Variants in ITGA9 observed in about 807,000 individuals in gnomAD.
ITGA9 encodes integrin subunit alpha 9.
ITGA9 carries 56 observed loss-of-function variants against 127.8 expected under a neutral mutation model. That is an observed-to-expected ratio of 0.44 (90% CI 0.35 to 0.55). The LOEUF (loss-of-function observed/expected upper bound fraction) is 0.55. Ranked by LOEUF, ITGA9 falls within the 20% of genes least tolerant of loss-of-function variation. The pLI, the probability that ITGA9 is intolerant of heterozygous loss-of-function variation, is 0.00. For missense variants in ITGA9, 1,196 were observed against 1,347.1 expected, an observed-to-expected ratio of 0.89 and a Z score of 1.76; for synonymous variants, 508 against 514.5, an observed-to-expected ratio of 0.99 and a Z score of 0.17.
At chr3:37,723,850 T>G (rs866689011) in intron 18 of ITGA9, among the ~76,000 whole-genome samples, 4 of 152,198 alleles carry the variant, frequency 2.6e-5, no homozygotes, top group African/African-American at 4.8e-5. Context: ...AAATGTAAAA[T>G]TCTTCCTTGA....
intron 15 of ITGA9, among the ~76,000 whole-genome samples, chr3:37,557,895 G>A (rs950322695): frequency 6.6e-6 from 1 of 152,216 alleles, no homozygotes; most frequent in Non-Finnish European, 1.5e-5. Context: ...CTGGTAAGCA[G>A]CCAAGTCTTG....
chr3:37,738,259 G>T lies in ITGA9; in HGVS notation c.2234+1276G>T, dbSNP rs193000219. On this transcript the variant is annotated intron_variant, in intron 20 of 27. Transcript: ENST00000264741. ...ATTCCCATTGCACAAAATCCAGAAGGGCTTCAGTGGGGAGGTAGCATTTAA... is the reference window on the plus strand; with the variant it reads ...ATTCCCATTGCACAAAATCCAGAAGTGCTTCAGTGGGGAGGTAGCATTTAA... 5.9e-4 allele frequency among the ~76,000 whole-genome samples: 90 copies of T among 152,284 alleles called. No individual in the cohort carries two copies. The East Asian group carries it at 0.016, about 27-fold the overall frequency.
chr3:37,538,356 C>T (rs559144361), intron 14 of ITGA9, among the ~76,000 whole-genome samples: 6 of 152,314 alleles, frequency 3.9e-5, no homozygotes, highest in East Asian at 3.9e-4. Context: ...GGGAAGCAGC[C>T]GGGGGCAGGG....
At chr3:37,593,307 G>T (rs979354521) in intron 15 of ITGA9, among the ~76,000 whole-genome samples, 25 of 152,132 alleles carry the variant, frequency 1.6e-4, no homozygotes, top group African/African-American at 5.8e-4. Context: ...GTTTTTTGTT[G>T]TATTGTTATT....
intron 16 of ITGA9, among the ~76,000 whole-genome samples, chr3:37,639,949 C>T (rs1363556063): frequency 6.6e-6 from 1 of 152,080 alleles, no homozygotes; most frequent in Non-Finnish European, 1.5e-5. Context: ...CTGAGCATAC[C>T]AATGGTGATG....
At chr3:37,801,191 A>G (rs1249640747) in intron 26 of ITGA9, among the ~76,000 whole-genome samples, 1 of 152,186 alleles carries the variant, frequency 6.6e-6, no homozygotes. Flanking sequence ...GAAAAGAGAA[A>G]AGAAATGAAA....
At chr3:37,704,537 T>G (rs1306748064) in intron 18 of ITGA9, among the ~76,000 whole-genome samples, 1 of 152,076 alleles carries the variant, frequency 6.6e-6, no homozygotes, top group Non-Finnish European at 1.5e-5. Flanking sequence ...GGAAGTAGAG[T>G]ATGATGTGAA....
At chr3:37,754,197 G>A (rs1409695853) in intron 23 of ITGA9, 2 of 152,136 alleles carry the variant, frequency 1.3e-5, no homozygotes, top group East Asian at 3.8e-4. Flanking sequence ...GAGGGTAGTG[G>A]TCTTTCCAAA....
chr3:37,492,082 C>G (rs188559012), intron 4 of ITGA9, among the ~76,000 whole-genome samples: 2 of 152,100 alleles, frequency 1.3e-5, no homozygotes. Flanking sequence ...TGGCAGGGAT[C>G]GGATAGGTGG....
At chr3:37,670,570 C>T (rs1367121054) in intron 17 of ITGA9, among the ~76,000 whole-genome samples, 1 of 152,220 alleles carries the variant, frequency 6.6e-6, no homozygotes, top group African/African-American at 2.4e-5. Flanking sequence ...ACCTGTGACT[C>T]TGTCCCAAAT....
At chr3:37,553,184 C>T (rs946319278) in intron 15 of ITGA9, among the ~76,000 whole-genome samples, 7 of 152,104 alleles carry the variant, frequency 4.6e-5, no homozygotes, top group Non-Finnish European at 1.0e-4. Flanking sequence ...AAGTCGGAGA[C>T]GCGATGCCCC....
At chr3:37,667,361 G>A (rs2125654694) in intron 17 of ITGA9, among the ~76,000 whole-genome samples, 1 of 152,268 alleles carries the variant, frequency 6.6e-6, no homozygotes, top group South Asian at 2.1e-4. Context: ...TTGCACACAT[G>A]CAGAAGGGCA....
At chr3:37,532,420 C>T (rs1284953470) in intron 13 of ITGA9, among the ~76,000 whole-genome samples, 2 of 152,236 alleles carry the variant, frequency 1.3e-5, no homozygotes, top group East Asian at 1.9e-4. Context: ...CATCATTGTT[C>T]TCAAGCTACT....
intron 18 of ITGA9, among the ~76,000 whole-genome samples, chr3:37,691,972 C>A (rs992201475): frequency 4.6e-5 from 7 of 152,200 alleles, no homozygotes; most frequent in African/African-American, 1.7e-4. Flanking sequence ...AAATAACAGG[C>A]AACCAGTGTG....
At chr3:37,502,751 G>A (rs1030681816) in intron 5 of ITGA9, among the ~76,000 whole-genome samples, 3 of 152,156 alleles carry the variant, frequency 2.0e-5, no homozygotes, top group African/African-American at 7.2e-5. Context: ...GCATCAGGTC[G>A]GGGGAGTTGA....
At position 37,458,593 on chromosome 3, in the gene ITGA9, G is replaced by A. The variant is rs564088485; in HGVS notation, c.185+6034G>A. Among the ~76,000 whole-genome samples the A allele has an allele frequency of 6.6e-5, 10 of 152,344 alleles. No individual in the cohort carries two copies. The South Asian group carries it at 8.3e-4, about 13-fold the overall frequency. On this transcript the variant is annotated intron_variant, in intron 1 of 27. Coordinates refer to ENST00000264741, the MANE Select transcript of ITGA9 (RefSeq NM_002207.3). ...GCTGGAGGCTGTCAGCTGACATTCC[G>A]CCTTGCAGCTGAACAGCATGAAGTG...
At chr3:37,546,411 C>T (rs1167897945) in intron 15 of ITGA9, among the ~76,000 whole-genome samples, 3 of 152,226 alleles carry the variant, frequency 2.0e-5, no homozygotes, top group Non-Finnish European at 4.4e-5. Flanking sequence ...TTTACAGAGT[C>T]ATGCCTATGT....
chr3:37,697,277 C>T (rs1409224705), intron 18 of ITGA9, among the ~76,000 whole-genome samples: 2 of 151,174 alleles, frequency 1.3e-5, no homozygotes, highest in East Asian at 3.9e-4. Flanking sequence ...GACCCGTCAG[C>T]ATCTATTAGT....
chr3:37,817,657 A>G (rs1359876778), intron 27 of ITGA9, among the ~76,000 whole-genome samples: 1 of 152,198 alleles, frequency 6.6e-6, no homozygotes, highest in Non-Finnish European at 1.5e-5. Context: ...TCATAAACAG[A>G]GCCCACCAAT....
Sources: allele counts gnomAD v4.1 joint callset (sites outside exome capture counted in the v4.1 genomes callset), GRCh38; gene constraint gnomAD v4.1.1; transcripts MANE v1.5; gene names NCBI Gene and HGNC (gene_info 2026-07-23, HGNC 2026-07-21).